The following SYN3 variants were observed in gnomAD, a reference collection of about 807,000 sequenced individuals.
SYN3 encodes the protein synapsin III.
In SYN3, 35 loss-of-function variants were observed where a neutral mutation model predicts 65.8. That is an observed-to-expected ratio of 0.53 (90% confidence interval 0.41 to 0.70). SYN3 has a LOEUF of 0.70. SYN3 is among the 30% of genes least tolerant of loss of function. The probability of loss-of-function intolerance (pLI) is 0.00; values close to 1 mark genes in which losing one functional copy is unlikely to be tolerated. For missense variants in SYN3, 680 were observed against 749.0 expected (o/e 0.91, Z 1.08); for synonymous variants, 270 against 292.9 (o/e 0.92, Z 0.80).
At chr22:32,518,417 G>C (rs2057818019) in intron 12 of SYN3, 83 bp from the exon 13 acceptor site, 4 of 1,517,534 alleles carry the variant, frequency 2.6e-6, no homozygotes, top group African/African-American at 1.4e-5. Context: ...GTTGCTTCAA[G>C]GATGTTCATT....
Position 32,847,687 on chromosome 22 carries a change from A to ATG in SYN3, c.711+17226_711+17227dup, listed in dbSNP as rs561103406. On this transcript the variant is annotated intron_variant, in intron 6 of 13. Coordinates refer to ENST00000358763, the MANE Select transcript of SYN3 (RefSeq NM_003490.4). ...GAGGAAGGATAATGGAGCTACCAAA[A>ATG]TGTGTGTGTGTGTGTTTGTGTTTGT... Among the ~76,000 whole-genome samples, 253 of 152,110 alleles carry ATG rather than the reference A, an allele frequency of 1.7e-3. 4 individuals are homozygous for ATG. The highest frequency in any genetic ancestry group is 1.0e-3 in the South Asian group (5 of 4,816).
At position 32,540,325 on chromosome 22, in the gene SYN3, G is replaced by A. The variant is rs576629391; in HGVS notation, c.917+1246C>T. Reference sequence around the variant, plus strand: ...GCAGCTGGATTCGGCCTGTGGTTGTGGTTTGCCAACCCTAGCTTAAAGCAC... The same window carrying A: ...GCAGCTGGATTCGGCCTGTGGTTGTAGTTTGCCAACCCTAGCTTAAAGCAC... On this transcript the variant is annotated intron_variant, in intron 8 of 13. Coordinates refer to ENST00000358763, the MANE Select transcript of SYN3 (RefSeq NM_003490.4). Among the ~76,000 whole-genome samples the A allele has an allele frequency of 3.9e-5, 6 of 152,304 alleles. No individual in the cohort carries two copies. The South Asian group carries it at 1.2e-3, about 32-fold the overall frequency.
intron 2 of SYN3, among the ~76,000 whole-genome samples, chr22:32,994,199 A>G (rs2052810303): frequency 6.6e-6 from 1 of 152,114 alleles, no homozygotes; most frequent in Admixed American, 6.5e-5. Flanking sequence ...TCTCCCTGAT[A>G]AAAGGGGCCG....
chr22:32,862,744 T>G (rs2048580333), intron 6 of SYN3: 1 of 152,588 alleles, frequency 6.6e-6, no homozygotes, highest in Non-Finnish European at 1.5e-5. Context: ...ACTTGGAGAA[T>G]AGTTTTTGCT....
At chr22:32,889,534 C>A (rs567647409) in intron 4 of SYN3, among the ~76,000 whole-genome samples, 1 of 151,958 alleles carries the variant, frequency 6.6e-6, no homozygotes, top group Non-Finnish European at 1.5e-5. Flanking sequence ...AGAGGATAAA[C>A]GCAGTAGTCC....
At chr22:33,042,195 C>T (rs1359074681) in intron 1 of SYN3, among the ~76,000 whole-genome samples, 2 of 152,118 alleles carry the variant, frequency 1.3e-5, no homozygotes, top group African/African-American at 4.8e-5. Flanking sequence ...CTCAGACTTC[C>T]CAGCCTCCCG....
At chr22:32,806,991 A>G (rs565638281) in intron 6 of SYN3, among the ~76,000 whole-genome samples, 2 of 152,028 alleles carry the variant, frequency 1.3e-5, no homozygotes, top group African/African-American at 4.8e-5. Flanking sequence ...AATACCACAT[A>G]TAGTATTCTG....
chr22:32,557,820 T>C (rs2146335253), intron 7 of SYN3, among the ~76,000 whole-genome samples: 1 of 152,364 alleles, frequency 6.6e-6, no homozygotes, highest in South Asian at 2.1e-4. Flanking sequence ...CTTTCCTGCC[T>C]TTGGGCTTTT....
At chr22:32,593,105 C>T (rs1162233974) in intron 7 of SYN3, among the ~76,000 whole-genome samples, 1 of 152,186 alleles carries the variant, frequency 6.6e-6, no homozygotes, top group African/African-American at 2.4e-5. Context: ...TTTTCTCTCT[C>T]TCAGCTATGA....
At chr22:32,832,058 C>G (rs1395443483) in intron 6 of SYN3, among the ~76,000 whole-genome samples, 1 of 152,136 alleles carries the variant, frequency 6.6e-6, no homozygotes, top group African/African-American at 2.4e-5. Flanking sequence ...GCTGATGGAC[C>G]AGGTGGGGTG....
intron 3 of SYN3, among the ~76,000 whole-genome samples, chr22:32,935,355 C>CA (rs1346242412): frequency 2.0e-5 from 3 of 150,916 alleles, no homozygotes; most frequent in Non-Finnish European, 3.0e-5. Context: ...ACCTATATCG[C>CA]AAAAAACGCT....
intron 7 of SYN3, among the ~76,000 whole-genome samples, chr22:32,548,309 C>T (rs997245704): frequency 3.3e-5 from 5 of 152,192 alleles, no homozygotes; most frequent in Admixed American, 3.3e-4. Context: ...CCCACCTTGG[C>T]CTGGCAAAGT....
chr22:32,708,979 G>C (rs1051903347), intron 6 of SYN3, among the ~76,000 whole-genome samples: 1 of 151,962 alleles, frequency 6.6e-6, no homozygotes, highest in African/African-American at 2.4e-5. Flanking sequence ...AGAATCACTC[G>C]AGCCCTGCGG....
intron 6 of SYN3, among the ~76,000 whole-genome samples, chr22:32,609,521 G>A (rs1015729600): frequency 6.7e-6 from 1 of 150,008 alleles, no homozygotes; most frequent in Non-Finnish European, 1.5e-5. Flanking sequence ...CTGTTGCCCA[G>A]GCTGGAGTAC....
chr22:32,850,176 T>C (rs1235421597), intron 6 of SYN3, among the ~76,000 whole-genome samples: 1 of 151,306 alleles, frequency 6.6e-6, no homozygotes, highest in Admixed American at 6.6e-5. Context: ...CATCATGAAG[T>C]ACAGGAAGGA....
At chr22:32,708,611 T>G (rs1438881914) in intron 6 of SYN3, among the ~76,000 whole-genome samples, 1 of 152,114 alleles carries the variant, frequency 6.6e-6, no homozygotes, top group Non-Finnish European at 1.5e-5. Context: ...TACCCGGTGG[T>G]TTGGGGAGAG....
chr22:32,808,943 T>C (rs1300066717), intron 6 of SYN3, among the ~76,000 whole-genome samples: 1 of 152,192 alleles, frequency 6.6e-6, no homozygotes, highest in East Asian at 1.9e-4. Flanking sequence ...CCCACTATGC[T>C]CTCTGCATTA....
At chr22:33,004,801 T>G (rs1241474286) in intron 2 of SYN3, among the ~76,000 whole-genome samples, 1 of 152,160 alleles carries the variant, frequency 6.6e-6, no homozygotes, top group Non-Finnish European at 1.5e-5. Flanking sequence ...TGGGAAGGCA[T>G]GATTGTGTTT....
At chr22:32,732,937 A>C (rs1003537905) in intron 6 of SYN3, among the ~76,000 whole-genome samples, 1 of 152,248 alleles carries the variant, frequency 6.6e-6, no homozygotes, top group East Asian at 1.9e-4. Context: ...AATCAAAACA[A>C]GACAAAAATC....
Sources: gnomAD v4.1 joint callset for allele counts (sites outside exome capture counted in the v4.1 genomes callset) on GRCh38, gnomAD v4.1.1 for gene constraint, MANE v1.5 for transcripts, NCBI Gene and HGNC (gene_info 2026-07-23, HGNC 2026-07-21) for gene names.